PXDNL: variants seen among roughly 807,000 people sequenced by gnomAD.
PXDNL encodes probable oxidoreductase PXDNL.
A neutral mutation model predicts 150.8 loss-of-function variants in PXDNL; 145 were observed. The observed-to-expected ratio is 0.96, with a 90% CI of 0.84 to 1.10. The LOEUF (loss-of-function observed/expected upper bound fraction) is 1.10. Ranked by LOEUF, PXDNL falls within the 50% of genes least tolerant of loss-of-function variation. The pLI is 0.00. For synonymous variants in PXDNL, 757 were observed against 725.7 expected (o/e 1.04, Z -0.69); for missense variants, 2,087 against 1,873.9 (o/e 1.11, Z -2.10).
intron 17 of PXDNL, among the ~76,000 whole-genome samples, chr8:51,393,576 A>T (rs1212757242): frequency 1.3e-5 from 2 of 152,254 alleles, no homozygotes; most frequent in African/African-American, 4.8e-5. Flanking sequence ...GCAGTGCACC[A>T]CCCTTCAAAG....
intron 1 of PXDNL, among the ~76,000 whole-genome samples, chr8:51,672,068 G>A (rs1014364108): frequency 1.3e-5 from 2 of 152,132 alleles, no homozygotes; most frequent in East Asian, 1.9e-4. Context: ...CACAAAATTC[G>A]CCTCCCAGGT....
chr8:51,352,524 G>A (rs2163526), intron 19 of PXDNL, among the ~76,000 whole-genome samples: 2 of 152,022 alleles, frequency 1.3e-5, no homozygotes, highest in African/African-American at 4.8e-5. Context: ...ATAGTGAGGG[G>A]GTTCTCACGA....
At chr8:51,737,669 T>A (rs1817065456) in intron 1 of PXDNL, among the ~76,000 whole-genome samples, 1 of 152,184 alleles carries the variant, frequency 6.6e-6, no homozygotes, top group South Asian at 2.1e-4. Flanking sequence ...CAGTTCTCCA[T>A]CCTGCCTGCT....
chr8:51,774,618 A>C (rs2129244484), intron 1 of PXDNL, among the ~76,000 whole-genome samples: 1 of 152,274 alleles, frequency 6.6e-6, no homozygotes, highest in South Asian at 2.1e-4. Flanking sequence ...GGAGATCGAG[A>C]CCATCCTGGG....
chr8:51,593,404 G>A (rs950198565), intron 2 of PXDNL, among the ~76,000 whole-genome samples: 25 of 152,122 alleles, frequency 1.6e-4, no homozygotes, highest in Middle Eastern at 3.4e-3. Context: ...AAATTATTAT[G>A]GCATGTCTAA....
In PXDNL at chr8:51,572,108, G is replaced by A. The variant is rs190122695; in HGVS notation, c.309-15197C>T. Among the ~76,000 whole-genome samples the A allele has an allele frequency of 1.8e-3, 276 of 151,682 alleles. 1 individual carries two copies. Among genetic ancestry groups the A allele is most frequent in the African/African-American group, 6.3e-3 (259 of 41,440 alleles). Reference sequence around the variant, plus strand: ...CTTACAACATTTTAAATTTATAATGGGTTTATCAGGACATAACCCCATCAT... The same window carrying A: ...CTTACAACATTTTAAATTTATAATGAGTTTATCAGGACATAACCCCATCAT... On this transcript the variant is annotated intron_variant, in intron 3 of 22. Transcript: ENST00000356297.
chr8:51,390,890 C>A (rs1189450380), intron 17 of PXDNL, among the ~76,000 whole-genome samples: 1 of 151,916 alleles, frequency 6.6e-6, no homozygotes, highest in Non-Finnish European at 1.5e-5. Context: ...TGCTATCCCT[C>A]CCCCCTCCTC....
rs375521516 is a variant in PXDNL at position 51,382,801 on chromosome 8, T to C, written c.3558-8070A>G. ...AGAAAGTTACATAGGGTCAGATTTA[T>C]GTCTATGAACTATAAGAGTCCAGAA... On this transcript the variant is annotated intron_variant, in intron 17 of 22. Coordinates refer to ENST00000356297, the MANE Select transcript of PXDNL (RefSeq NM_144651.5). Among the ~76,000 whole-genome samples the C allele has an allele frequency of 2.0e-5, 3 of 152,340 alleles. No individual in the cohort carries two copies. In the South Asian group the frequency reaches 6.2e-4, roughly 32 times the overall value.
intron 4 of PXDNL, among the ~76,000 whole-genome samples, chr8:51,530,696 G>T (rs79092103): frequency 0.11 from 17,041 of 152,022 alleles, 1,797 homozygotes; most frequent in African/African-American, 0.27. Flanking sequence ...CACACTCTGC[G>T]TGTAGTGCTC....
At chr8:51,389,620 G>A (rs992912981) in intron 17 of PXDNL, among the ~76,000 whole-genome samples, 1 of 152,230 alleles carries the variant, frequency 6.6e-6, no homozygotes, top group Non-Finnish European at 1.5e-5. Context: ...CATGGGCCAA[G>A]AAAGCACATT....
intron 19 of PXDNL, among the ~76,000 whole-genome samples, chr8:51,348,428 T>C (rs117199961): frequency 3.3e-5 from 5 of 152,350 alleles, no homozygotes; most frequent in South Asian, 2.1e-4. Flanking sequence ...AGGTTTCTTG[T>C]AATGTGACAG....
intron 2 of PXDNL, among the ~76,000 whole-genome samples, chr8:51,630,355 G>A (rs1442739389): frequency 6.6e-6 from 1 of 151,952 alleles, no homozygotes; most frequent in East Asian, 1.9e-4. Context: ...TAGAAAATAT[G>A]ATTCTGGACA....
At chr8:51,401,783 G>A (rs577687919) in intron 17 of PXDNL, among the ~76,000 whole-genome samples, 1 of 152,250 alleles carries the variant, frequency 6.6e-6, no homozygotes, top group Admixed American at 6.5e-5. Context: ...GCAAAAGGAG[G>A]TTCATAGATT....
intron 1 of PXDNL, among the ~76,000 whole-genome samples, chr8:51,784,430 T>C (rs2037442163): frequency 6.6e-6 from 1 of 152,244 alleles, no homozygotes; most frequent in Non-Finnish European, 1.5e-5. Context: ...ATGAACTTTA[T>C]ATGTTTCTTT....
chr8:51,543,710 C>CAA lies in PXDNL; in HGVS notation c.380+13128_380+13129dup, dbSNP rs572642373. 3.3e-3 allele frequency among the ~76,000 whole-genome samples: 198 copies of CAA among 60,394 alleles called. 2 individuals carry two copies. Among genetic ancestry groups the CAA allele is most frequent in the Middle Eastern group, 0.01 (1 of 96 alleles). 39.6% of individuals were successfully genotyped at this position (60,394 alleles called of 152,430 possible). On this transcript the variant is annotated intron_variant, in intron 4 of 22. Transcript: ENST00000356297. Reference sequence around the variant, plus strand: ...CTGGTGACAGAGCGAGACTCCATATCAAAAAAAAAAAAAAAAAAAAAGAAA... The same window carrying CAA: ...CTGGTGACAGAGCGAGACTCCATATCAAAAAAAAAAAAAAAAAAAAAAAGAAA...
At chr8:51,743,701 G>C (rs62508281) in intron 1 of PXDNL, among the ~76,000 whole-genome samples, 4 of 152,026 alleles carry the variant, frequency 2.6e-5, no homozygotes, top group Admixed American at 2.6e-4. Flanking sequence ...ATTTTTAGTA[G>C]AGAAATGGTT....
intron 1 of PXDNL, among the ~76,000 whole-genome samples, chr8:51,741,750 T>C (rs1563306149): frequency 6.6e-6 from 1 of 152,192 alleles, no homozygotes; most frequent in Non-Finnish European, 1.5e-5. Flanking sequence ...TAAGGTCACA[T>C]GTCAGTGATG....
At chr8:51,641,174 C>T (rs1325255961) in intron 2 of PXDNL, among the ~76,000 whole-genome samples, 1 of 149,578 alleles carries the variant, frequency 6.7e-6, no homozygotes, top group Admixed American at 6.7e-5. Flanking sequence ...GAAAGTGGAT[C>T]CCTTCCTTAC....
intron 2 of PXDNL, among the ~76,000 whole-genome samples, chr8:51,592,916 T>C (rs1813476401): frequency 6.6e-6 from 1 of 152,194 alleles, no homozygotes. Flanking sequence ...TTCATTAAAT[T>C]ACCCTAAAAC....
Sources: allele counts gnomAD v4.1 joint callset (sites outside exome capture counted in the v4.1 genomes callset), GRCh38; gene constraint gnomAD v4.1.1; transcripts MANE v1.5; gene names NCBI Gene and HGNC (gene_info 2026-07-23, HGNC 2026-07-21).